The following WDR49 variants were observed in gnomAD, a reference collection of about 807,000 sequenced individuals.
WDR49 encodes WD repeat domain 49, also known as cilia- and flagella-associated protein 337.
Under a neutral mutation model 119.5 loss-of-function variants are expected in WDR49, and 107 were observed. That is an observed-to-expected ratio of 0.90 (90% CI 0.77 to 1.05). The LOEUF (loss-of-function observed/expected upper bound fraction) is 1.05, where lower values mean the gene tolerates loss of function less well. WDR49 is among the 50% of genes least tolerant of loss of function. The pLI is 0.00. For synonymous variants in WDR49, 425 were observed against 418.8 expected, an observed-to-expected ratio of 1.01 and a Z score of -0.18; for missense variants, 1,240 against 1,220.5, an observed-to-expected ratio of 1.02 and a Z score of -0.24.
intron 9 of WDR49, among the ~76,000 whole-genome samples, chr3:167,558,647 T>A (rs1443865227): frequency 1.3e-5 from 2 of 152,240 alleles, no homozygotes; most frequent in Non-Finnish European, 2.9e-5. Context: ...ACATGGCTCT[T>A]ACCAAGTCCA....
chr3:167,607,939 C>T (rs1380108076), intron 5 of WDR49, among the ~76,000 whole-genome samples: 9 of 150,402 alleles, frequency 6.0e-5, no homozygotes, highest in Middle Eastern at 3.5e-3. Context: ...AAAAAAGGGA[C>T]GGAGGGAGGA....
At chr3:167,595,174 C>A (rs1367602832) in intron 7 of WDR49, among the ~76,000 whole-genome samples, 1 of 152,022 alleles carries the variant, frequency 6.6e-6, no homozygotes, top group Non-Finnish European at 1.5e-5. Flanking sequence ...ATGTGAAGGA[C>A]CTCTTCAAGG....
chr3:167,586,994 C>G (rs771684380), intron 7 of WDR49, among the ~76,000 whole-genome samples: 87 of 152,138 alleles, frequency 5.7e-4, no homozygotes, highest in Non-Finnish European at 1.1e-3. Context: ...TCTTATTTAA[C>G]TACAATTTAT....
intron 11 of WDR49, among the ~76,000 whole-genome samples, chr3:167,534,575 C>G (rs143323041): frequency 1.3e-5 from 2 of 152,208 alleles, no homozygotes; most frequent in African/African-American, 4.8e-5. Context: ...ATAGATAGAT[C>G]AGTAAACCTC....
intron 10 of WDR49, among the ~76,000 whole-genome samples, chr3:167,539,686 T>C (rs1374467592): frequency 6.6e-6 from 1 of 152,070 alleles, no homozygotes; most frequent in Non-Finnish European, 1.5e-5. Flanking sequence ...AGAAAAAAAT[T>C]ATCTGCTTAA....
intron 2 of WDR49, among the ~76,000 whole-genome samples, chr3:167,636,058 C>A (rs1717604098): frequency 6.6e-6 from 1 of 151,384 alleles, no homozygotes. Context: ...TTTGGTGCAC[C>A]CATCACCTGA....
upstream of WDR49, among the ~76,000 whole-genome samples, chr3:167,655,374 G>A (rs6444472): frequency 0.23 from 34,863 of 152,016 alleles, 4,199 homozygotes; most frequent in Non-Finnish European, 0.26. Context: ...GGATGTGCCC[G>A]TTGCACTTTA....
chr3:167,598,988 AG>A (rs1275357302), intron 7 of WDR49, among the ~76,000 whole-genome samples: 1 of 152,222 alleles, frequency 6.6e-6, no homozygotes, highest in African/African-American at 2.4e-5. Flanking sequence ...GGAGTGACAC[AG>A]GCACTTATGT....
At chr3:167,515,328 T>A (rs941361049) in intron 16 of WDR49, among the ~76,000 whole-genome samples, 3 of 152,166 alleles carry the variant, frequency 2.0e-5, no homozygotes, top group African/African-American at 7.2e-5. Context: ...CAAGGCTGAC[T>A]CAACGTAGGT....
intron 4 of WDR49, among the ~76,000 whole-genome samples, chr3:167,621,227 T>A (rs942053770): frequency 6.6e-6 from 1 of 152,088 alleles, no homozygotes; most frequent in Non-Finnish European, 1.5e-5. Flanking sequence ...TTTTTCTACA[T>A]GAGAAAAGTG....
chr3:167,610,601 G>A (rs931153163), intron 5 of WDR49, among the ~76,000 whole-genome samples: 1 of 152,232 alleles, frequency 6.6e-6, no homozygotes, highest in African/African-American at 2.4e-5. Flanking sequence ...CCACCCAGGG[G>A]CTGGGGGACC....
At chr3:167,489,632 G>T (rs1354133544) in intron 18 of WDR49, among the ~76,000 whole-genome samples, 1 of 152,100 alleles carries the variant, frequency 6.6e-6, no homozygotes, top group Non-Finnish European at 1.5e-5. Flanking sequence ...ATAATAAAAT[G>T]ATTCAAGGAT....
chr3:167,591,006 G>A (rs1297160964), intron 7 of WDR49, among the ~76,000 whole-genome samples: 2 of 151,770 alleles, frequency 1.3e-5, no homozygotes, highest in African/African-American at 4.8e-5. Flanking sequence ...GGCACCATTA[G>A]GTTGTTTATT....
chr3:167,611,902 C>T (rs961149125), intron 5 of WDR49, among the ~76,000 whole-genome samples: 2 of 152,160 alleles, frequency 1.3e-5, no homozygotes, highest in African/African-American at 4.8e-5. Flanking sequence ...GCGACCTCAA[C>T]ACTTCACTTT....
intron 17 of WDR49, 48 bp downstream of exon 17, chr3:167,505,259 T>A: frequency 1.4e-6 from 2 of 1,383,686 alleles, no homozygotes; most frequent in Non-Finnish European, 1.9e-6. Flanking sequence ...TTCACACTAA[T>A]CTGTTAAATA....
At chr3:167,657,790 T>G (rs367972034), upstream of WDR49, among the ~76,000 whole-genome samples, 121 of 152,296 alleles carry the variant, frequency 7.9e-4, no homozygotes, top group Middle Eastern at 3.4e-3. Flanking sequence ...AAGTCCTCAC[T>G]GCTACAGGAA....
intron 16 of WDR49, among the ~76,000 whole-genome samples, chr3:167,516,331 T>C (rs1373187516): frequency 6.8e-6 from 1 of 146,998 alleles, no homozygotes; most frequent in Non-Finnish European, 1.5e-5. Context: ...TTCCCACCTA[T>C]GAGTGAGAAC....
intron 15 of WDR49, among the ~76,000 whole-genome samples, chr3:167,525,276 A>C (rs1483380284): frequency 6.6e-6 from 1 of 152,048 alleles, no homozygotes; most frequent in Non-Finnish European, 1.5e-5. Context: ...GACTTTGCTG[A>C]AGTTCTTTAT....
At chr3:167,655,911 ATC>A (rs1219071847), upstream of WDR49, among the ~76,000 whole-genome samples, 16 of 151,668 alleles carry the variant, frequency 1.1e-4, no homozygotes, top group Non-Finnish European at 1.2e-4. Flanking sequence ...CTCTCTCTCT[ATC>A]TCTCTCTCTC....
Sources: gnomAD v4.1 joint callset for allele counts (sites outside exome capture counted in the v4.1 genomes callset) on GRCh38, gnomAD v4.1.1 for gene constraint, MANE v1.5 for transcripts, NCBI Gene and HGNC (gene_info 2026-07-23, HGNC 2026-07-21) for gene names.